Variants in USH2A observed in about 807,000 individuals in gnomAD.
The protein encoded by USH2A is usherin.
Under a neutral mutation model 538.9 loss-of-function variants are expected in USH2A, and 443 were observed. The observed-to-expected ratio is 0.82, with a 90% CI of 0.76 to 0.89. USH2A has a LOEUF of 0.89. Ranked by LOEUF, USH2A falls within the 40% of genes least tolerant of loss-of-function variation. The pLI is 0.00. For missense variants in USH2A, 6,633 were observed against 6,324.8 expected, an observed-to-expected ratio of 1.05 and a Z score of -1.65; for synonymous variants, 2,413 against 2,273.5, an observed-to-expected ratio of 1.06 and a Z score of -1.75.
chr1:215,635,530 T>TA (rs1656449707), intron 69 of USH2A, among the ~76,000 whole-genome samples: 1 of 144,144 alleles, frequency 6.9e-6, no homozygotes, highest in Non-Finnish European at 1.5e-5. Context: ...GGTAGGATTA[T>TA]TTTTATTTAT....
Position 216,139,628 on chromosome 1 carries a change from C to T in USH2A, c.4627+35624G>A, listed in dbSNP as rs542690035. Among the ~76,000 whole-genome samples, 2 of 152,200 alleles carry T rather than the reference C, an allele frequency of 1.3e-5. 1 individual carries two copies. The highest frequency in any genetic ancestry group is 2.9e-5 in the Non-Finnish European group (2 of 68,014). ...AGTGTTGATGTTTATTTAGTCTTCC[C>T]AAAATGTACTTCTAAATAGATTCAG... On this transcript the variant is annotated intron_variant, in intron 21 of 71. Coordinates refer to ENST00000307340, the MANE Select transcript of USH2A (RefSeq NM_206933.4).
intron 14 of USH2A, among the ~76,000 whole-genome samples, chr1:216,227,143 T>C (rs1197730618): frequency 6.6e-6 from 1 of 152,204 alleles, no homozygotes; most frequent in Non-Finnish European, 1.5e-5. Flanking sequence ...TTTATAGACC[T>C]TGTCTTTGAT....
chr1:215,840,710 T>C (rs1571737778), intron 46 of USH2A, among the ~76,000 whole-genome samples: 1 of 152,310 alleles, frequency 6.6e-6, no homozygotes. Flanking sequence ...GCACACAGTG[T>C]TCTCACTTCT....
At chr1:215,901,199 G>A (rs1571795888) in intron 38 of USH2A, 1 of 424,904 alleles carries the variant, frequency 2.4e-6, no homozygotes, top group Non-Finnish European at 4.4e-6. Context: ...AAACATGGAG[G>A]GAATTTAGTG....
At chr1:215,672,198 C>T (rs189331670) in intron 63 of USH2A, among the ~76,000 whole-genome samples, 2 of 152,264 alleles carry the variant, frequency 1.3e-5, no homozygotes, top group Admixed American at 1.3e-4. Context: ...TTCCCAACCA[C>T]CATTGATTTT....
At chr1:215,839,991 C>T (rs1427831584) in intron 46 of USH2A, among the ~76,000 whole-genome samples, 1 of 151,488 alleles carries the variant, frequency 6.6e-6, no homozygotes, top group African/African-American at 2.4e-5. Context: ...AACCCTGTCT[C>T]TACTGAAAAT....
intron 21 of USH2A, among the ~76,000 whole-genome samples, chr1:216,150,046 C>T (rs913805893): frequency 3.3e-5 from 5 of 151,996 alleles, no homozygotes; most frequent in South Asian, 2.1e-4. Context: ...TAGGTCTGTT[C>T]GTCCTTACCC....
In USH2A at chr1:215,640,319, G is replaced by A. The variant is rs61828161; in HGVS notation, c.14968+239C>T. 0.066 allele frequency among the ~76,000 whole-genome samples: 9,974 copies of A among 152,220 alleles called. 408 individuals carry two copies. Among genetic ancestry groups the A allele is most frequent in the South Asian group, 0.11 (553 of 4,812 alleles). On this transcript the variant is annotated intron_variant, in intron 68 of 71. Transcript: ENST00000307340. ...CTTATCCCTTCCTGGGGACCCTCCAGTCCTGTGGAGGCAGCGCTGTCCCCT... is the reference window on the plus strand; with the variant it reads ...CTTATCCCTTCCTGGGGACCCTCCAATCCTGTGGAGGCAGCGCTGTCCCCT...
chr1:216,039,197 C>T (rs1057249417), intron 32 of USH2A, among the ~76,000 whole-genome samples: 5 of 151,998 alleles, frequency 3.3e-5, no homozygotes, highest in Non-Finnish European at 7.4e-5. Context: ...ATAGCATCCA[C>T]TGTTCATTAA....
chr1:216,217,619 A>C (rs1572060194), intron 14 of USH2A, 69 bp from the exon 15 acceptor site: 28 of 1,564,606 alleles, frequency 1.8e-5, no homozygotes, highest in Admixed American at 1.7e-5. Flanking sequence ...TATAAGTTAC[A>C]CCTACCAATA....
chr1:215,805,984 C>CAAAAAAAAAA (rs57712355), intron 49 of USH2A, among the ~76,000 whole-genome samples: 5 of 93,466 alleles, frequency 5.3e-5, no homozygotes, highest in Non-Finnish European at 9.9e-5. Context: ...AAGACACAAT[C>CAAAAAAAAAA]AAAAAAAAAA....
chr1:216,366,325 A>G (rs1022797716), intron 3 of USH2A, among the ~76,000 whole-genome samples: 1 of 152,090 alleles, frequency 6.6e-6, no homozygotes, highest in Non-Finnish European at 1.5e-5. Context: ...ATGATGTATC[A>G]GTGTAGGTCC....
chr1:215,936,668 C>G (rs949074938), intron 37 of USH2A, among the ~76,000 whole-genome samples: 1 of 152,014 alleles, frequency 6.6e-6, no homozygotes, highest in Non-Finnish European at 1.5e-5. Flanking sequence ...TCAGAACTAG[C>G]AAGTGATTAA....
intron 21 of USH2A, among the ~76,000 whole-genome samples, chr1:216,138,831 G>A (rs927883030): frequency 6.6e-6 from 1 of 151,978 alleles, no homozygotes; most frequent in African/African-American, 2.4e-5. Context: ...AAACAGACAG[G>A]AAGCCAAACA....
intron 61 of USH2A, among the ~76,000 whole-genome samples, chr1:215,697,972 C>T (rs1021235695): frequency 6.6e-6 from 1 of 152,188 alleles, no homozygotes; most frequent in African/African-American, 2.4e-5. Context: ...TGTTACCCCT[C>T]CTCTTTCTCC....
At chr1:216,012,732 G>A (rs1454186170) in intron 32 of USH2A, among the ~76,000 whole-genome samples, 1 of 152,146 alleles carries the variant, frequency 6.6e-6, no homozygotes, top group Non-Finnish European at 1.5e-5. Flanking sequence ...AAAAAGGACT[G>A]GACAATACTT....
At chr1:215,902,409 T>C (rs1338171105) in intron 38 of USH2A, among the ~76,000 whole-genome samples, 1 of 152,140 alleles carries the variant, frequency 6.6e-6, no homozygotes, top group Admixed American at 6.6e-5. Flanking sequence ...ATTTGTTCAA[T>C]AAACATTTAT....
intron 64 of USH2A, among the ~76,000 whole-genome samples, chr1:215,664,346 A>G (rs1408741859): frequency 6.6e-6 from 1 of 152,240 alleles, no homozygotes. Flanking sequence ...ACAACTAATT[A>G]TATTTCCATG....
At chr1:216,145,484 T>TA (rs953466670) in intron 21 of USH2A, among the ~76,000 whole-genome samples, 9 of 152,244 alleles carry the variant, frequency 5.9e-5, no homozygotes, top group Non-Finnish European at 1.3e-4. Flanking sequence ...ATTTTAAGAT[T>TA]AAAAAAAATC....
Sources: gnomAD v4.1 joint callset for allele counts (sites outside exome capture counted in the v4.1 genomes callset) on GRCh38, gnomAD v4.1.1 for gene constraint, MANE v1.5 for transcripts, NCBI Gene and HGNC (gene_info 2026-07-23, HGNC 2026-07-21) for gene names.